RYR3: variants seen among roughly 807,000 people sequenced by gnomAD.
RYR3 encodes ryanodine receptor 3.
A neutral mutation model predicts 584.3 loss-of-function variants in RYR3; 207 were observed. The observed-to-expected ratio is 0.35, with a 90% confidence interval of 0.32 to 0.40. The LOEUF (loss-of-function observed/expected upper bound fraction) is 0.40, where lower values mean the gene tolerates loss of function less well. Among genes scored for constraint, RYR3 ranks in the 10% least tolerant of loss-of-function variants. RYR3 has a pLI of 1.00. For synonymous variants in RYR3, 2,416 were observed against 2,248.5 expected (o/e 1.07, Z -2.11); for missense variants, 5,616 against 6,089.2 (o/e 0.92, Z 2.59).
In RYR3 at chr15:33,837,753, T is replaced by C. The variant is rs1269261536; in HGVS notation, c.11773T>C (p.Ser3925Pro). Residue 3925 changes from serine to proline, a missense_variant, in exon 89 of 104, where the codon TCA becomes CCA. This residue lies in a region of RYR3 where 258 missense variants were observed against 297.3 expected (regional missense o/e 0.87). Coordinates refer to ENST00000634891, the MANE Select transcript of RYR3 (RefSeq NM_001036.6). ...CTTGAAACTTAAAGACTTAACCAGC[T>C]CAGACACCTTCAAAGAATATGACCC... ...MFLKLKDLTS[S>P]DTFKEYDPDG... 3 of 1,613,818 alleles carry C rather than the reference T, an allele frequency of 1.9e-6. No homozygotes were observed. In the South Asian group the frequency reaches 3.3e-5, roughly 18 times the overall value.
intron 100 of RYR3, among the ~76,000 whole-genome samples, chr15:33,859,954 C>A (rs1193004784): frequency 6.6e-6 from 1 of 152,190 alleles, no homozygotes; most frequent in Non-Finnish European, 1.5e-5. Flanking sequence ...TACAGAGGAA[C>A]CCCTTCCTTC....
intron 92 of RYR3, among the ~76,000 whole-genome samples, chr15:33,844,586 A>G (rs1255913598): frequency 6.6e-6 from 1 of 152,172 alleles, no homozygotes; most frequent in Admixed American, 6.5e-5. Context: ...TGGCATAAGG[A>G]TTATAAGCAT....
chr15:33,614,980 C>T (rs1295502112), intron 19 of RYR3, among the ~76,000 whole-genome samples: 1 of 152,076 alleles, frequency 6.6e-6, no homozygotes, highest in Admixed American at 6.6e-5. Context: ...TATTTCTCTG[C>T]CTCTTTCCTC....
chr15:33,607,614 C>G (rs1437792913), intron 18 of RYR3, among the ~76,000 whole-genome samples: 1 of 152,168 alleles, frequency 6.6e-6, no homozygotes, highest in African/African-American at 2.4e-5. Context: ...ATTAAACATA[C>G]TTTAAAATGT....
At chr15:33,656,070 C>T (rs768839418) in intron 32 of RYR3, among the ~76,000 whole-genome samples, 2 of 152,344 alleles carry the variant, frequency 1.3e-5, no homozygotes, top group Middle Eastern at 3.4e-3. Flanking sequence ...AGATACTCCT[C>T]AGTGATTGCC....
At chr15:33,639,430 C>T (rs1166729843) in intron 27 of RYR3, among the ~76,000 whole-genome samples, 1 of 152,098 alleles carries the variant, frequency 6.6e-6, no homozygotes, top group East Asian at 1.9e-4. Context: ...AGCCCCAAGG[C>T]CTGGAATAAC....
At chr15:33,365,704 C>CA (rs1975397330) in intron 1 of RYR3, among the ~76,000 whole-genome samples, 1 of 152,140 alleles carries the variant, frequency 6.6e-6, no homozygotes, top group East Asian at 1.9e-4. Context: ...TCTTACTATG[C>CA]AAATAAATAA....
At chr15:33,680,576 C>T (rs951501575) in intron 38 of RYR3, among the ~76,000 whole-genome samples, 2 of 152,178 alleles carry the variant, frequency 1.3e-5, no homozygotes, top group African/African-American at 2.4e-5. Context: ...GCAAGGATCC[C>T]GAGATCACTT....
intron 57 of RYR3, among the ~76,000 whole-genome samples, chr15:33,754,155 T>C (rs1326715283): frequency 6.6e-6 from 1 of 151,898 alleles, no homozygotes; most frequent in Non-Finnish European, 1.5e-5. Context: ...AAAATAAAAA[T>C]ACCCAGAATT....
intron 36 of RYR3, among the ~76,000 whole-genome samples, chr15:33,666,795 C>A (rs1379330970): frequency 6.6e-6 from 1 of 152,200 alleles, no homozygotes; most frequent in Non-Finnish European, 1.5e-5. Flanking sequence ...TGGCCTTTCA[C>A]TTCCAAGAGG....
intron 43 of RYR3, among the ~76,000 whole-genome samples, chr15:33,710,608 C>G (rs1441227505): frequency 6.6e-6 from 1 of 152,136 alleles, no homozygotes; most frequent in Non-Finnish European, 1.5e-5. Context: ...CTGTACTGCC[C>G]TAGTAGAGGT....
At chr15:33,751,315 C>A (rs2071281325) in intron 57 of RYR3, among the ~76,000 whole-genome samples, 1 of 152,208 alleles carries the variant, frequency 6.6e-6, no homozygotes, top group South Asian at 2.1e-4. Context: ...GCCACACTGT[C>A]TTCCACAATG....
chr15:33,699,677 T>C (rs528845857), intron 40 of RYR3, 27 bp from the exon 41 acceptor site: 1 of 1,607,526 alleles, frequency 6.2e-7, no homozygotes, highest in South Asian at 1.1e-5. Context: ...GATTCTTTTG[T>C]CTGACACTTT....
rs145201073 is a variant in RYR3 at position 33,348,598 on chromosome 15, C to T, written c.51+37502C>T. Among the ~76,000 whole-genome samples, 795 of 152,268 alleles carry T rather than the reference C, an allele frequency of 5.2e-3. 6 individuals carry two copies. The highest frequency in any genetic ancestry group is 0.01 in the Middle Eastern group (3 of 294). Reference sequence around the variant, plus strand: ...TCAAGCTATTCTCCTGCCTCAGCTTCCTGAGTAGCTGGGACTACAGGCGTG... The same window carrying T: ...TCAAGCTATTCTCCTGCCTCAGCTTTCTGAGTAGCTGGGACTACAGGCGTG... On this transcript the variant is annotated intron_variant, in intron 1 of 103. Transcript: ENST00000634891.
chr15:33,829,593 A>C (rs910683483), intron 85 of RYR3, among the ~76,000 whole-genome samples: 6 of 145,920 alleles, frequency 4.1e-5, no homozygotes, highest in African/African-American at 1.5e-4. Flanking sequence ...CTAAAAATAC[A>C]AAAAAAAAAA....
At chr15:33,431,389 G>T (rs1466510891) in intron 1 of RYR3, among the ~76,000 whole-genome samples, 1 of 152,156 alleles carries the variant, frequency 6.6e-6, no homozygotes, top group Non-Finnish European at 1.5e-5. Flanking sequence ...CTACATTTAT[G>T]TACAATCATA....
At chr15:33,359,119 C>T (rs529169525) in intron 1 of RYR3, among the ~76,000 whole-genome samples, 3 of 152,190 alleles carry the variant, frequency 2.0e-5, no homozygotes, top group Admixed American at 6.5e-5. Context: ...CTTGCTCCAA[C>T]GGTGTGATAG....
At chr15:33,864,347 CT>C (rs1482444335) in intron 103 of RYR3, among the ~76,000 whole-genome samples, 158 bp downstream of exon 103, 2 of 151,942 alleles carry the variant, frequency 1.3e-5, no homozygotes, top group African/African-American at 4.8e-5. Flanking sequence ...AGCCAAAGTC[CT>C]CCTGTTTATC....
At chr15:33,625,864 G>C (rs553392953) in intron 20 of RYR3, among the ~76,000 whole-genome samples, 1 of 152,300 alleles carries the variant, frequency 6.6e-6, no homozygotes, top group Middle Eastern at 3.4e-3. Context: ...AATTCTTTTG[G>C]GGGGCTCTTT....
Sources: gnomAD v4.1 joint callset for allele counts (sites outside exome capture counted in the v4.1 genomes callset) on GRCh38, gnomAD v4.1.1 for gene constraint, gnomAD v4.1.1 regional missense constraint, MANE v1.5 for transcripts, NCBI Gene and HGNC (gene_info 2026-07-23, HGNC 2026-07-21) for gene names.